TBC1D14: variants seen among roughly 807,000 people sequenced by gnomAD.
TBC1D14 encodes TBC1 domain family member 14.
TBC1D14 carries 26 observed loss-of-function variants against 79.0 expected under a neutral mutation model. That is an observed-to-expected ratio of 0.33 (90% CI 0.24 to 0.46). TBC1D14 has a LOEUF of 0.46. TBC1D14 is among the 20% of genes least tolerant of loss of function. The pLI, the probability that TBC1D14 is intolerant of heterozygous loss-of-function variation, is 1.00. For missense variants in TBC1D14, 769 were observed against 887.6 expected (o/e 0.87, Z 1.70); for synonymous variants, 394 against 349.9 (o/e 1.13, Z -1.40).
At position 7,001,197 on chromosome 4, in the gene TBC1D14, G is replaced by A. The variant is rs751065858; in HGVS notation, c.1216G>A (p.Val406Met). ...ATGGTGGCAGGGAATCCCTCCAAGT[G>A]TGAGAGGCAAAGTCTGGAGCTTAGC... ...DLWWQGIPPS[V>M]RGKVWSLAIG... Residue 406 changes from valine (V) to methionine (M), a missense_variant, in exon 7 of 14, where the codon GTG (valine) becomes ATG (methionine). Val to Met is a conservative substitution (Grantham distance 21). Coordinates refer to ENST00000409757, the MANE Select transcript of TBC1D14 (RefSeq NM_020773.3). 1.9e-6 allele frequency: 3 copies of A among 1,614,204 alleles called. No homozygotes were observed. The highest frequency in any genetic ancestry group is 1.1e-5 in the South Asian group (1 of 91,080).
chr4:7,004,986 CAT>C, intron 8 of TBC1D14, 62 bp downstream of exon 8: 1 of 1,466,844 alleles, frequency 6.8e-7, no homozygotes, highest in Non-Finnish European at 9.5e-7. Flanking sequence ...TTCTTTATTA[CAT>C]AGTGAAGAAA....
upstream of TBC1D14, chr4:6,909,523 G>A (rs989863857): frequency 6.6e-6 from 1 of 152,278 alleles, no homozygotes; most frequent in East Asian, 1.9e-4. Context: ...GCCCCCTGTC[G>A]GATGTCCGTG....
Position 6,994,222 on chromosome 4 carries a change from C to G in TBC1D14, c.882C>G (p.Pro294=), listed in dbSNP as rs772471858. 26 of 1,614,078 alleles carry G rather than the reference C, an allele frequency of 1.6e-5. No homozygotes were observed. The highest frequency in any genetic ancestry group is 1.3e-5 in the Non-Finnish European group (15 of 1,180,042). ...EDKAGRPSKP[P]SPKQNVRKNL... ...AGGCTGGAAGACCTAGCAAGCCACC[C>G]TCTCCAAAGCAGAATGTGAGGAAGA... Residue 294 remains proline, a synonymous_variant, in exon 4 of 14, where the codon CCC becomes CCG. Coordinates refer to ENST00000409757, the MANE Select transcript of TBC1D14 (RefSeq NM_020773.3).
Position 7,008,537 on chromosome 4 carries a change from C to T in TBC1D14, c.1447-1340C>T, listed in dbSNP as rs186556028. On this transcript the variant is annotated intron_variant, in intron 9 of 13. Transcript: ENST00000409757. The stretch of plus-strand genomic sequence containing the variant: ...AAGCGATTCTCTTGCCTCAGCCTCC[C>T]GAGTAGCTGGGATTACAGGCACCCA... Among the ~76,000 whole-genome samples the T allele has an allele frequency of 1.1e-4, 16 of 152,292 alleles. No individual in the cohort carries two copies. In the East Asian group the frequency reaches 2.5e-3, roughly 24 times the overall value.
chr4:6,980,995 G>T (rs527579518), intron 3 of TBC1D14, among the ~76,000 whole-genome samples: 1 of 150,194 alleles, frequency 6.7e-6, no homozygotes, highest in South Asian at 2.1e-4. Flanking sequence ...GATTACAGGC[G>T]TGAGCCACCG....
rs567572407 is a variant in TBC1D14 at position 6,998,394 on chromosome 4, G to A, written c.1046-691G>A. Among the ~76,000 whole-genome samples, 13 of 152,040 alleles carry A rather than the reference G, an allele frequency of 8.6e-5. No individual in the cohort carries two copies. In the South Asian group the frequency reaches 1.0e-3, roughly 12 times the overall value. On this transcript the variant is annotated intron_variant, in intron 5 of 13. Transcript: ENST00000409757. ...AAAAAAAGCAGTGCTCGAACTGTTG[G>A]AAGTCAGCATGGAGCTTGCATTTGG...
At chr4:6,989,223 C>G (rs953442043) in intron 3 of TBC1D14, among the ~76,000 whole-genome samples, 1 of 152,130 alleles carries the variant, frequency 6.6e-6, no homozygotes, top group African/African-American at 2.4e-5. Context: ...AGACCCTGCC[C>G]CTGGATGCGT....
At chr4:6,941,714 A>C (rs1712926476) in intron 2 of TBC1D14, among the ~76,000 whole-genome samples, 1 of 152,162 alleles carries the variant, frequency 6.6e-6, no homozygotes, top group African/African-American at 2.4e-5. Context: ...TCCTTAGAAA[A>C]TGCACAGAGG....
At chr4:6,935,858 G>A (rs1396025335) in intron 2 of TBC1D14, among the ~76,000 whole-genome samples, 2 of 152,022 alleles carry the variant, frequency 1.3e-5, no homozygotes, top group African/African-American at 4.8e-5. Context: ...TGGCCAGGCT[G>A]GTCTTGAATT....
chr4:6,967,153 A>T (rs1715773992), intron 2 of TBC1D14, 151 bp from the exon 3 acceptor site: 2 of 1,085,324 alleles, frequency 1.8e-6, no homozygotes, highest in African/African-American at 1.6e-5. Context: ...CCTGCCGCGT[A>T]ATTCTGTGTC....
chr4:6,983,251 C>T (rs1040414828), intron 3 of TBC1D14, among the ~76,000 whole-genome samples: 1 of 152,048 alleles, frequency 6.6e-6, no homozygotes, highest in East Asian at 1.9e-4. Flanking sequence ...GGATTACAGG[C>T]GTGAGCCACC....
In TBC1D14 at chr4:6,967,405, A is replaced by G; in HGVS notation, c.824A>G (p.Asp275Gly). 6.2e-7 allele frequency: 1 copy of G among 1,613,844 alleles called. No homozygotes were observed. Among genetic ancestry groups the G allele is most frequent in the Non-Finnish European group, 8.5e-7 (1 of 1,179,986 alleles). The change falls in exon 3 of 14, where the codon GAT becomes GGT. Residue 275 changes from aspartate (D) to glycine (G), a missense_variant. Coordinates refer to ENST00000409757, the MANE Select transcript of TBC1D14 (RefSeq NM_020773.3). ...CCACTCCGAGAGAATGCCCAGAAGG[A>G]TTCAAAGAGAATACAGAAGGTACAC... The part of the protein sequence containing the change: ...KAPLRENAQK[D>G]SKRIQKEYED...
intron 2 of TBC1D14, among the ~76,000 whole-genome samples, chr4:6,940,004 C>T (rs1183172983): frequency 6.6e-6 from 1 of 152,230 alleles, no homozygotes; most frequent in Non-Finnish European, 1.5e-5. Context: ...GCCCCTGGCT[C>T]CCGCGGCACC....
At chr4:6,956,792 G>A (rs1284264598) in intron 2 of TBC1D14, among the ~76,000 whole-genome samples, 1 of 152,240 alleles carries the variant, frequency 6.6e-6, no homozygotes, top group Non-Finnish European at 1.5e-5. Context: ...AGCTGCCTGT[G>A]CGGGGAAGGA....
At chr4:6,972,014 T>C (rs1314584857) in intron 3 of TBC1D14, among the ~76,000 whole-genome samples, 1 of 152,240 alleles carries the variant, frequency 6.6e-6, no homozygotes, top group African/African-American at 2.4e-5. Context: ...CTCTGGTTGC[T>C]GGCTTTGTAT....
intron 3 of TBC1D14, among the ~76,000 whole-genome samples, chr4:6,973,899 C>T (rs1485514181): frequency 6.6e-6 from 1 of 152,148 alleles, no homozygotes; most frequent in South Asian, 2.1e-4. Flanking sequence ...TCTTGGCTTA[C>T]TGCAACCTCC....
intron 1 of TBC1D14, chr4:6,910,568 G>A (rs1328773366): frequency 6.6e-6 from 1 of 152,316 alleles, no homozygotes; most frequent in African/African-American, 2.4e-5. Flanking sequence ...CTGGCCCGGG[G>A]ACTGTCTCGG....
chr4:6,971,457 G>C (rs6838250), intron 3 of TBC1D14, among the ~76,000 whole-genome samples: 13,143 of 152,174 alleles, frequency 0.086, 883 homozygotes, highest in African/African-American at 0.18. Context: ...GCATTCTTTT[G>C]GCTTGGGCCT....
intron 1 of TBC1D14, among the ~76,000 whole-genome samples, chr4:6,916,492 C>G (rs898683701): frequency 6.6e-6 from 1 of 152,166 alleles, no homozygotes; most frequent in Non-Finnish European, 1.5e-5. Flanking sequence ...TAAGACAGTT[C>G]CCACTGCTTT....
Sources: allele counts gnomAD v4.1 joint callset (sites outside exome capture counted in the v4.1 genomes callset), GRCh38; gene constraint gnomAD v4.1.1; transcripts MANE v1.5; gene names NCBI Gene and HGNC (gene_info 2026-07-23, HGNC 2026-07-21).